CDKN2B-AS1: variants seen among roughly 807,000 people sequenced by gnomAD.
The protein encoded by CDKN2B-AS1 is CDKN2B and CDKN2A antisense cis and trans regulatory RNA 1.
intron 4 of CDKN2B-AS1, among the ~76,000 whole-genome samples, chr9:22,069,903 G>A (rs556545264): frequency 5.7e-4 from 87 of 151,868 alleles, no homozygotes; most frequent in African/African-American, 8.0e-4. Flanking sequence ...TCGCTCTGCC[G>A]CCCAGACTGG....
At position 22,006,131 on chromosome 9, in the gene CDKN2B-AS1, G is replaced by A. The variant is rs746984960; in HGVS notation, n.29+10970G>A. On this transcript the variant is annotated intron_variant and non_coding_transcript_variant, in intron 1 of 4. Coordinates refer to ENST00000650946, the Ensembl canonical transcript of CDKN2B-AS1. The surrounding 1 kb of genome is among the most constrained non-coding windows in gnomAD (Gnocchi z 6.4). ...GCAGCACCACCAGCGTGTCCAGGAAGCCCTCCCGGGCAGCATCATGCACCG... is the reference window on the plus strand; with the variant it reads ...GCAGCACCACCAGCGTGTCCAGGAAACCCTCCCGGGCAGCATCATGCACCG... 1 of 1,611,202 alleles carries A rather than the reference G, an allele frequency of 6.2e-7. No homozygotes were observed. The highest frequency in any genetic ancestry group is 1.3e-5 in the African/African-American group (1 of 74,934).
chr9:22,102,851 A>G (rs150805443), intron 4 of CDKN2B-AS1, among the ~76,000 whole-genome samples: 1 of 152,278 alleles, frequency 6.6e-6, no homozygotes, highest in East Asian at 1.9e-4. Flanking sequence ...GTGGCCAGCA[A>G]CTCTGCCCTG....
chr9:22,059,999 T>A (rs957113287), intron 4 of CDKN2B-AS1, among the ~76,000 whole-genome samples: 1 of 152,162 alleles, frequency 6.6e-6, no homozygotes, highest in Non-Finnish European at 1.5e-5. Context: ...GTCCAGTCCA[T>A]GAAACCACTT....
rs532576555 is a variant in CDKN2B-AS1, at chr9:22,000,154, A to G, written n.29+4993A>G. Among the ~76,000 whole-genome samples, 2 of 152,318 alleles carry G rather than the reference A, an allele frequency of 1.3e-5. No individual in the cohort carries two copies. Among genetic ancestry groups the G allele is most frequent in the South Asian group, 4.1e-4 (2 of 4,832 alleles). ...TTTGTAGACCTGGAGCTGATCAACA[A>G]GTCTAAATGTTAAAACATCCTCACG... On this transcript the variant is annotated intron_variant and non_coding_transcript_variant, in intron 1 of 4. Transcript: ENST00000650946. The surrounding 1 kb of genome is among the most constrained non-coding windows in gnomAD (Gnocchi z 4.1).
chr9:22,094,628 G>A (rs1006767904), intron 4 of CDKN2B-AS1, among the ~76,000 whole-genome samples: 34 of 144,272 alleles, frequency 2.4e-4, no homozygotes, highest in East Asian at 2.0e-4. Flanking sequence ...TTGTGCATTC[G>A]TCATGTAGTT....
chr9:22,111,585 T>TTTG (rs1825806044), intron 4 of CDKN2B-AS1, among the ~76,000 whole-genome samples: 1 of 151,484 alleles, frequency 6.6e-6, no homozygotes, highest in Non-Finnish European at 1.5e-5. Context: ...TATCCATATA[T>TTTG]ATGTGACATT....
intron 4 of CDKN2B-AS1, among the ~76,000 whole-genome samples, chr9:22,125,724 C>T (rs928334077): frequency 3.9e-5 from 6 of 152,142 alleles, no homozygotes; most frequent in Non-Finnish European, 7.3e-5. Flanking sequence ...TATATACAAA[C>T]ATGTATGCAC....
At chr9:22,018,293 A>C (rs970218657) in intron 1 of CDKN2B-AS1, among the ~76,000 whole-genome samples, 1 of 146,964 alleles carries the variant, frequency 6.8e-6, no homozygotes, top group African/African-American at 2.5e-5. Flanking sequence ...GATCCTGATG[A>C]CTTTTTTTTT....
At chr9:22,060,445 C>T (rs941460587) in intron 4 of CDKN2B-AS1, among the ~76,000 whole-genome samples, 2 of 152,224 alleles carry the variant, frequency 1.3e-5, no homozygotes, top group African/African-American at 4.8e-5. Context: ...GAGACCACCT[C>T]AGCCTGGATT....
At chr9:22,011,478 A>G (rs575427) in intron 1 of CDKN2B-AS1, among the ~76,000 whole-genome samples, 10,170 of 152,276 alleles carry the variant, frequency 0.067, 461 homozygotes, top group Non-Finnish European at 0.1. Flanking sequence ...AAAGGATCAG[A>G]GAATTTGAGT....
At chr9:22,034,466 G>A (rs1822604051) in intron 1 of CDKN2B-AS1, among the ~76,000 whole-genome samples, 1 of 152,178 alleles carries the variant, frequency 6.6e-6, no homozygotes, top group African/African-American at 2.4e-5. Context: ...GATTAGGGAA[G>A]AGATGAAGTA....
At chr9:22,015,201 G>T (rs1258686090) in intron 1 of CDKN2B-AS1, among the ~76,000 whole-genome samples, 1 of 152,094 alleles carries the variant, frequency 6.6e-6, no homozygotes, top group Non-Finnish European at 1.5e-5. Flanking sequence ...TTCCACAATG[G>T]TTGAACTAGT....
Position 22,039,116 on chromosome 9 carries a change from TA to T in CDKN2B-AS1, n.30-7630del, listed in dbSNP as rs1822804082. On this transcript the variant is annotated intron_variant and non_coding_transcript_variant, in intron 1 of 4. Transcript: ENST00000650946. The surrounding 1 kb of genome is among the most constrained non-coding windows in gnomAD (Gnocchi z 4.4). ...TAAATAACTCTAGGGAACAGTACCT[TA>T]AAAATATTCAAAATGACAAAAACTT... is the stretch of plus-strand genomic sequence containing the variant. Among the ~76,000 whole-genome samples, 1 of 152,020 alleles carries T rather than the reference TA, an allele frequency of 6.6e-6. No homozygotes were observed. The highest frequency in any genetic ancestry group is 1.5e-5 in the Non-Finnish European group (1 of 67,960).
At chr9:22,084,497 C>T (rs1563971087) in intron 4 of CDKN2B-AS1, among the ~76,000 whole-genome samples, 2 of 152,108 alleles carry the variant, frequency 1.3e-5, no homozygotes, top group Non-Finnish European at 2.9e-5. Context: ...CTGATCAAAG[C>T]ACCTTTCAGC....
rs572967666 is a variant in CDKN2B-AS1, at chr9:22,012,109, C to T, written n.29+16948C>T. On this transcript the variant is annotated intron_variant and non_coding_transcript_variant, in intron 1 of 4. Coordinates refer to ENST00000650946, the Ensembl canonical transcript of CDKN2B-AS1. ...TGATATAGAAGTATGAACAGATCTG[C>T]CATCCTCTTTTTCTTCAGCGAGGCA... is the stretch of plus-strand genomic sequence containing the variant. The T allele has an allele frequency of 4.5e-4, 364 of 810,694 alleles. 6 individuals are homozygous for T. In the South Asian group the frequency reaches 5.3e-3, roughly 12 times the overall value. The allele number at this position is 810,694 out of a possible 1,614,324, so 50.2% of individuals were successfully genotyped here. A position where few individuals can be genotyped will look rare whatever the true frequency, so the allele number is the denominator to read the frequency against.
intron 4 of CDKN2B-AS1, among the ~76,000 whole-genome samples, chr9:22,075,779 G>A (rs927603796): frequency 1.3e-5 from 2 of 152,190 alleles, no homozygotes; most frequent in African/African-American, 4.8e-5. Flanking sequence ...AACCGTTCAC[G>A]TGAAATGAAG....
At chr9:22,105,475 A>C (rs1320124958) in intron 4 of CDKN2B-AS1, among the ~76,000 whole-genome samples, 2 of 152,188 alleles carry the variant, frequency 1.3e-5, no homozygotes, top group Admixed American at 1.3e-4. Context: ...AGAGCTCTTC[A>C]TGAATCTCTA....
chr9:22,038,211 G>A (rs561386005), intron 1 of CDKN2B-AS1, among the ~76,000 whole-genome samples: 2 of 151,116 alleles, frequency 1.3e-5, no homozygotes, highest in Middle Eastern at 6.8e-3. Context: ...TTTTTTCAGT[G>A]CAATTTTCAT....
chr9:22,080,461 C>T (rs148732600), intron 4 of CDKN2B-AS1, among the ~76,000 whole-genome samples: 58 of 152,360 alleles, frequency 3.8e-4, no homozygotes, highest in African/African-American at 1.2e-3. Flanking sequence ...GTTCACAATA[C>T]ACTGTGGAGG....
Sources: allele counts gnomAD v4.1 joint callset (sites outside exome capture counted in the v4.1 genomes callset), GRCh38; gene constraint gnomAD v4.1.1; non-coding constraint Gnocchi (gnomAD v3.1); transcripts MANE v1.5; gene names NCBI Gene and HGNC (gene_info 2026-07-23, HGNC 2026-07-21).